The following PPM1L variants were observed in gnomAD, a reference collection of about 807,000 sequenced individuals.
The protein encoded by PPM1L is protein phosphatase, Mg2+/Mn2+ dependent 1L.
A neutral mutation model predicts 31.4 loss-of-function variants in PPM1L; 13 were observed. That is an observed-to-expected ratio of 0.41 (90% CI 0.27 to 0.66). The LOEUF (loss-of-function observed/expected upper bound fraction) is 0.66. PPM1L is among the 30% of genes least tolerant of loss of function. The pLI is 0.29. For missense variants in PPM1L, 326 were observed against 453.7 expected (o/e 0.72, Z 2.56); for synonymous variants, 184 against 175.4 (o/e 1.05, Z -0.39).
intron 1 of PPM1L, among the ~76,000 whole-genome samples, chr3:160,794,378 G>A (rs866692523): frequency 1.4e-4 from 21 of 152,136 alleles, no homozygotes; most frequent in African/African-American, 5.1e-4. Flanking sequence ...TAGTGTCTCT[G>A]TGTCCAATAG....
intron 1 of PPM1L, among the ~76,000 whole-genome samples, chr3:160,810,146 GACTGC>G (rs1050269788): frequency 6.6e-6 from 1 of 151,800 alleles, no homozygotes; most frequent in Non-Finnish European, 1.5e-5. Flanking sequence ...TTCCTTGCTT[GACTGC>G]ACCTCTATAA....
intron 1 of PPM1L, among the ~76,000 whole-genome samples, chr3:160,848,538 C>T (rs894222318): frequency 2.6e-5 from 4 of 152,200 alleles, no homozygotes; most frequent in African/African-American, 7.2e-5. Context: ...CTTCTGGCTG[C>T]TTCTTAAGTG....
At chr3:160,768,714 G>T (rs1430300063) in intron 1 of PPM1L, among the ~76,000 whole-genome samples, 1 of 152,098 alleles carries the variant, frequency 6.6e-6, no homozygotes, top group African/African-American at 2.4e-5. Flanking sequence ...GTGGGTTCTA[G>T]CTGGCCACCT....
chr3:160,999,718 T>C (rs1717422882), intron 2 of PPM1L, among the ~76,000 whole-genome samples: 1 of 152,256 alleles, frequency 6.6e-6, no homozygotes, highest in Admixed American at 6.5e-5. Context: ...TCCTGGCACA[T>C]GCCAAGTTTA....
intron 1 of PPM1L, among the ~76,000 whole-genome samples, chr3:160,846,364 T>A (rs1427840971): frequency 6.6e-6 from 1 of 152,254 alleles, no homozygotes; most frequent in Non-Finnish European, 1.5e-5. Flanking sequence ...AAGACAAACT[T>A]CTGTTTCATA....
chr3:160,970,224 T>A (rs543905852), intron 2 of PPM1L, among the ~76,000 whole-genome samples: 2 of 152,278 alleles, frequency 1.3e-5, no homozygotes, highest in East Asian at 3.9e-4. Context: ...GGTCTGTTTC[T>A]TATCTGTGAA....
chr3:160,971,648 G>A (rs1476063258), intron 2 of PPM1L, among the ~76,000 whole-genome samples: 8 of 152,198 alleles, frequency 5.3e-5, no homozygotes, highest in Admixed American at 2.0e-4. Context: ...TGCCAGTTGC[G>A]TTTTTAAAGA....
chr3:161,031,502 CTTTT>C lies in PPM1L; in HGVS notation c.575-33888_575-33885del, dbSNP rs760907219. On this transcript the variant is annotated intron_variant, in intron 2 of 3. Coordinates refer to ENST00000498165, the MANE Select transcript of PPM1L (RefSeq NM_139245.4). ...GTGAATGGCAGCTATGTATTCTGTC[CTTTT>C]TTTTTTTTTTTTGAGAGAGAGTCTC... 6.2e-4 allele frequency among the ~76,000 whole-genome samples: 63 copies of C among 101,664 alleles called. 3 individuals are homozygous for C. The highest frequency in any genetic ancestry group is 2.5e-3 in the African/African-American group (57 of 22,846). 66.7% of individuals were successfully genotyped at this position (101,664 alleles called of 152,430 possible). A position where few individuals can be genotyped will look rare whatever the true frequency, so the allele number is the denominator to read the frequency against.
intron 1 of PPM1L, among the ~76,000 whole-genome samples, chr3:160,767,899 T>G (rs1010983733): frequency 7.9e-5 from 12 of 152,224 alleles, no homozygotes; most frequent in Non-Finnish European, 1.6e-4. Flanking sequence ...ATTTATCGTT[T>G]TAATTAAATG....
chr3:161,036,656 A>G (rs1299800999), intron 2 of PPM1L, among the ~76,000 whole-genome samples: 1 of 152,204 alleles, frequency 6.6e-6, no homozygotes, highest in Non-Finnish European at 1.5e-5. Flanking sequence ...AACATAGTGC[A>G]TATTCCTTCA....
chr3:161,069,166 GGGGTCTCAGCTGCCT>G lies in PPM1L; in HGVS notation c.*10_*24del, dbSNP rs773245883. On this transcript the variant is annotated 3_prime_UTR_variant, in exon 4 of 4. Coordinates refer to ENST00000498165, the MANE Select transcript of PPM1L (RefSeq NM_139245.4). ...AAACAGAAGAGCAGTGAACCCTTCA[GGGGTCTCAGCTGCCT>G]TAGACTAAAGGACTTTCAACACACT... 1.2e-6 allele frequency: 2 copies of G among 1,601,792 alleles called. No individual in the cohort carries two copies. The highest frequency in any genetic ancestry group is 8.5e-7 in the Non-Finnish European group (1 of 1,172,726).
At chr3:160,851,406 A>G (rs1010995131) in intron 1 of PPM1L, among the ~76,000 whole-genome samples, 2 of 152,148 alleles carry the variant, frequency 1.3e-5, no homozygotes, top group African/African-American at 2.4e-5. Context: ...GAAAATAGGT[A>G]ATTTAAATGC....
At chr3:160,766,382 G>C (rs949098039) in intron 1 of PPM1L, among the ~76,000 whole-genome samples, 2 of 152,046 alleles carry the variant, frequency 1.3e-5, no homozygotes, top group Non-Finnish European at 2.9e-5. Context: ...TTAGATCATG[G>C]GGGGACTAGA....
chr3:160,968,356 C>T (rs1203839199), intron 2 of PPM1L, among the ~76,000 whole-genome samples: 1 of 152,082 alleles, frequency 6.6e-6, no homozygotes, highest in Non-Finnish European at 1.5e-5. Flanking sequence ...GGGTTTAACA[C>T]AGAGAAGTTT....
At chr3:160,973,762 CTGTTTTTTTTTTTTT>C (rs1229591623) in intron 2 of PPM1L, among the ~76,000 whole-genome samples, 2 of 19,812 alleles carry the variant, frequency 1.0e-4, no homozygotes, top group Non-Finnish European at 1.4e-4. Context: ...CTGAAAGGCC[CTGTTTTTTTTTTTTT>C]TTTTTTTTTT....
chr3:160,816,292 T>TGTGTGTGTGTGA (rs10576376), intron 1 of PPM1L, among the ~76,000 whole-genome samples: 67 of 147,258 alleles, frequency 4.5e-4, no homozygotes, highest in African/African-American at 1.6e-3. Flanking sequence ...TGTGTGTGTG[T>TGTGTGTGTGTGA]GAAACCCATA....
rs114912276 is a variant in PPM1L at position 160,786,912 on chromosome 3, C to T, written c.399+30205C>T. Among the ~76,000 whole-genome samples, 803 of 152,126 alleles carry T rather than the reference C, an allele frequency of 5.3e-3. 8 individuals carry two copies. The highest frequency in any genetic ancestry group is 0.018 in the African/African-American group (758 of 41,490). Reference sequence around the variant, plus strand: ...TGGCCTCTAGCTGGATTCATGTTGCCGCAAAGGACATGATTTTGTTGTGTT... The same window carrying T: ...TGGCCTCTAGCTGGATTCATGTTGCTGCAAAGGACATGATTTTGTTGTGTT... On this transcript the variant is annotated intron_variant, in intron 1 of 3. Transcript: ENST00000498165.
intron 2 of PPM1L, among the ~76,000 whole-genome samples, chr3:160,983,137 A>G (rs1460955521): frequency 1.3e-5 from 2 of 152,228 alleles, no homozygotes; most frequent in Non-Finnish European, 2.9e-5. Flanking sequence ...GTAAATAGAG[A>G]TAAACTAAGC....
chr3:160,905,422 T>C (rs753460243), intron 1 of PPM1L, among the ~76,000 whole-genome samples: 18 of 152,216 alleles, frequency 1.2e-4, no homozygotes, highest in Non-Finnish European at 2.4e-4. Context: ...CTTTCCAGTC[T>C]TTCAAATGCC....
Sources: gnomAD v4.1 joint callset for allele counts (sites outside exome capture counted in the v4.1 genomes callset) on GRCh38, gnomAD v4.1.1 for gene constraint, MANE v1.5 for transcripts, NCBI Gene and HGNC (gene_info 2026-07-23, HGNC 2026-07-21) for gene names.